TRAM1: variants seen among roughly 807,000 people sequenced by gnomAD.
TRAM1 encodes translocation associated membrane protein 1.
Under a neutral mutation model 48.7 loss-of-function variants are expected in TRAM1, and 17 were observed. The observed-to-expected ratio is 0.35, with a 90% CI of 0.24 to 0.52. TRAM1 has a LOEUF of 0.52. Among genes scored for constraint, TRAM1 ranks in the 20% least tolerant of loss-of-function variants. The pLI is 0.94. For synonymous variants in TRAM1, 182 were observed against 154.0 expected, an observed-to-expected ratio of 1.18 and a Z score of -1.34; for missense variants, 351 against 441.5, an observed-to-expected ratio of 0.79 and a Z score of 1.84.
At position 70,583,805 on chromosome 8, in the gene TRAM1, A is replaced by C; in HGVS notation, c.747-12T>G. ...CCCACAGAGAAAATCTGCAAGAAAA[A>C]GGCCGTAAGTCAAATTCCTGAAATC... is the stretch of plus-strand genomic sequence containing the variant. On this transcript the variant is annotated splice_polypyrimidine_tract_variant and intron_variant, in intron 8 of 10. Transcript: ENST00000262213. 6.6e-7 allele frequency: 1 copy of C among 1,522,452 alleles called. No individual in the cohort carries two copies. The allele number at this position is 1,522,452 out of a possible 1,614,324, so 94.3% of individuals were successfully genotyped here.
rs1817444962 is a variant in TRAM1, at chr8:70,594,603, A to C, written c.486-13T>G. 2 of 1,563,528 alleles carry C rather than the reference A, an allele frequency of 1.3e-6. No individual in the cohort carries two copies. The highest frequency in any genetic ancestry group is 1.7e-6 in the Non-Finnish European group (2 of 1,157,998). On this transcript the variant is annotated splice_polypyrimidine_tract_variant and intron_variant, in intron 5 of 10. Coordinates refer to ENST00000262213, the MANE Select transcript of TRAM1 (RefSeq NM_014294.6). ...CTTCATTTGAAATCTGTACAACACA[A>C]GAAAATGAAGAGTACCTTTTAAAGC... is the stretch of plus-strand genomic sequence containing the variant.
At chr8:70,594,036 G>A (rs1817426335) in intron 6 of TRAM1, among the ~76,000 whole-genome samples, 1 of 152,084 alleles carries the variant, frequency 6.6e-6, no homozygotes, top group Admixed American at 6.6e-5. Context: ...TTCAAGAGAG[G>A]CTTTGCTGGT....
Position 70,576,382 on chromosome 8 carries a change from G to A in TRAM1, c.1052-1377C>T, listed in dbSNP as rs563626392. 5.3e-5 allele frequency among the ~76,000 whole-genome samples: 8 copies of A among 152,200 alleles called. No homozygotes were observed. In the Middle Eastern group the frequency reaches 0.02, roughly 388 times the overall value. On this transcript the variant is annotated intron_variant, in intron 10 of 10. Transcript: ENST00000262213. ...ATGGAAGGAAAGATAAAAGGCTTAC[G>A]TTACTAACAACATGAAATGAAAAAC...
At chr8:70,583,847 AT>A in intron 8 of TRAM1, 54 bp from the exon 9 acceptor site, 7 of 1,508,714 alleles carry the variant, frequency 4.6e-6, no homozygotes, top group Non-Finnish European at 5.3e-6. Flanking sequence ...ACAAGATTCT[AT>A]TAGAAATTAG....
chr8:70,594,527 G>A lies in TRAM1; in HGVS notation c.549C>T (p.Leu183=), dbSNP rs1164451041. ...LAYWLHAFPE[L]YFQKTKKEDI... ...TTACTTTTTTGGTTTTCTGGAAGTA[G>A]AGTTCAGGAAAAGCATGAAGCCAGT... is the stretch of plus-strand genomic sequence containing the variant. Residue 183 remains leucine, a synonymous_variant, in exon 6 of 11, where the codon CTC becomes CTT. Coordinates refer to ENST00000262213, the MANE Select transcript of TRAM1 (RefSeq NM_014294.6). 14 of 1,600,538 alleles carry A rather than the reference G, an allele frequency of 8.7e-6. No homozygotes were observed. The highest frequency in any genetic ancestry group is 1.2e-5 in the Non-Finnish European group (14 of 1,173,768).
intron 5 of TRAM1, among the ~76,000 whole-genome samples, chr8:70,595,037 T>TG (rs1190731857): frequency 4.4e-5 from 2 of 45,292 alleles, no homozygotes; most frequent in Non-Finnish European, 7.7e-5. Flanking sequence ...AAATATCCTC[T>TG]GTTTTTTTTT....
chr8:70,602,783 C>T (rs1378049927), intron 1 of TRAM1, among the ~76,000 whole-genome samples: 2 of 151,982 alleles, frequency 1.3e-5, no homozygotes, highest in East Asian at 3.9e-4. Context: ...TGAGAGGCAC[C>T]GAAAAGGCCA....
chr8:70,586,996 C>T lies in TRAM1; in HGVS notation c.645G>A (p.Leu215=). The T allele has an allele frequency of 6.2e-7, 1 of 1,613,650 alleles. No individual in the cohort carries two copies. Among genetic ancestry groups the T allele is most frequent in the Non-Finnish European group, 8.5e-7 (1 of 1,179,766 alleles). The stretch of plus-strand genomic sequence containing the variant: ...CCAGAAGAACAAGTCCTAGATGATT[C>T]AAGCTGTTAAAAGAGCAAATTAAAA... ...FHIAGAYLLN[L]NHLGLVLLVL... is the part of the protein sequence containing the mutation. The change falls in exon 8 of 11, where the codon TTG becomes TTA. Residue 215 remains leucine, a synonymous_variant. Transcript: ENST00000262213.
At chr8:70,596,167 G>T in intron 5 of TRAM1, 96 bp downstream of exon 5, 1 of 943,838 alleles carries the variant, frequency 1.1e-6, no homozygotes, top group Non-Finnish European at 1.5e-6. Flanking sequence ...TTATGCATTT[G>T]CCTAAGGTCC....
intron 1 of TRAM1, among the ~76,000 whole-genome samples, chr8:70,601,027 T>C (rs1466330546): frequency 6.6e-6 from 1 of 152,160 alleles, no homozygotes; most frequent in Non-Finnish European, 1.5e-5. Flanking sequence ...TTGAGCTAAG[T>C]AGTTTAGATT....
chr8:70,594,046 T>C (rs1010925204), intron 6 of TRAM1, among the ~76,000 whole-genome samples: 13 of 152,208 alleles, frequency 8.5e-5, no homozygotes, highest in Non-Finnish European at 2.9e-5. Flanking sequence ...GCTTTGCTGG[T>C]GAATATTTAA....
intron 10 of TRAM1, among the ~76,000 whole-genome samples, chr8:70,581,901 GA>G (rs1817083875): frequency 6.6e-6 from 1 of 152,182 alleles, no homozygotes; most frequent in African/African-American, 2.4e-5. Flanking sequence ...GAAATGTCCA[GA>G]AAAGGCCAAT....
chr8:70,595,501 T>C (rs985603742), intron 5 of TRAM1, among the ~76,000 whole-genome samples: 3 of 152,128 alleles, frequency 2.0e-5, no homozygotes, highest in African/African-American at 7.2e-5. Context: ...TCACAATGTA[T>C]TTACTAAATA....
At chr8:70,606,108 A>G (rs1817712695) in intron 1 of TRAM1, among the ~76,000 whole-genome samples, 1 of 152,250 alleles carries the variant, frequency 6.6e-6, no homozygotes. Flanking sequence ...AATTGAATAT[A>G]CTACATATAT....
intron 1 of TRAM1, among the ~76,000 whole-genome samples, chr8:70,603,303 T>C (rs946111913): frequency 1.3e-5 from 2 of 149,976 alleles, no homozygotes; most frequent in African/African-American, 4.9e-5. Context: ...ATATGTTTTA[T>C]ACACACACAC....
rs1363691042 is a variant in TRAM1, at chr8:70,598,144, T to C, written c.299A>G (p.Tyr100Cys). 2 of 1,612,638 alleles carry C rather than the reference T, an allele frequency of 1.2e-6. No homozygotes were observed. The highest frequency in any genetic ancestry group is 2.2e-5 in the East Asian group (1 of 44,724). Residue 100 changes from tyrosine (Y) to cysteine (C), a missense_variant, in exon 3 of 11, where the codon TAT (tyrosine) becomes TGT (cysteine). Physicochemically the swap from Tyr to Cys is radical, Grantham distance 194. Coordinates refer to ENST00000262213, the MANE Select transcript of TRAM1 (RefSeq NM_014294.6). ...AGACTGCATACTTACATCCAACATA[T>C]ACTCTTGAATTACGGCATGAATAAT... ...AIIIHAVIQEYMLDKINRRMH... is the reference protein window; with the variant it reads ...AIIIHAVIQECMLDKINRRMH...
At chr8:70,577,753 C>A (rs1279592444) in intron 10 of TRAM1, among the ~76,000 whole-genome samples, 1 of 152,246 alleles carries the variant, frequency 6.6e-6, no homozygotes, top group African/African-American at 2.4e-5. Context: ...AAGCCCAGAT[C>A]TAGGGGCTCC....
chr8:70,584,067 C>T (rs558205753), intron 8 of TRAM1, among the ~76,000 whole-genome samples: 4 of 151,984 alleles, frequency 2.6e-5, no homozygotes, highest in Non-Finnish European at 5.9e-5. Context: ...AAGTAAAAGC[C>T]TATTAAAATA....
rs1816956295 is a variant in TRAM1 at position 70,576,525 on chromosome 8, A to C, written c.1052-1520T>G. Reference sequence around the variant, plus strand: ...ACAAATTCCTTGAAAAACATTATTTACCAAAAGAGAAACGACTAAGAAACA... The same window carrying C: ...ACAAATTCCTTGAAAAACATTATTTCCCAAAAGAGAAACGACTAAGAAACA... On this transcript the variant is annotated intron_variant, in intron 10 of 10. Coordinates refer to ENST00000262213, the MANE Select transcript of TRAM1 (RefSeq NM_014294.6). Among the ~76,000 whole-genome samples, 4 of 152,370 alleles carry C rather than the reference A, an allele frequency of 2.6e-5. No homozygotes were observed. In the South Asian group the frequency reaches 8.3e-4, roughly 32 times the overall value.
Sources: allele counts gnomAD v4.1 joint callset (sites outside exome capture counted in the v4.1 genomes callset), GRCh38; gene constraint gnomAD v4.1.1; transcripts MANE v1.5; gene names NCBI Gene and HGNC (gene_info 2026-07-23, HGNC 2026-07-21).